CRMP1: variants seen among roughly 807,000 people sequenced by gnomAD.
CRMP1 encodes dihydropyrimidinase-related protein 1.
A neutral mutation model predicts 68.3 loss-of-function variants in CRMP1; 19 were observed. That is an observed-to-expected ratio of 0.28 (90% CI 0.19 to 0.41). The LOEUF (loss-of-function observed/expected upper bound fraction) is 0.41, where lower values mean the gene tolerates loss of function less well. Among genes scored for constraint, CRMP1 ranks in the 10% least tolerant of loss-of-function variants. The probability of loss-of-function intolerance (pLI) is 1.00; values close to 1 mark genes in which losing one functional copy is unlikely to be tolerated. For missense variants in CRMP1, 791 were observed against 967.4 expected, an observed-to-expected ratio of 0.82 and a Z score of 2.42; for synonymous variants, 439 against 399.6, an observed-to-expected ratio of 1.10 and a Z score of -1.18.
At chr4:5,856,998 T>TTATCACCCCA in intron 3 of CRMP1, among the ~76,000 whole-genome samples, 1 of 138,748 alleles carries the variant, frequency 7.2e-6, no homozygotes, top group African/African-American at 2.8e-5. Flanking sequence ...ATCACCACCA[T>TTATCACCCCA]CCACTATCAT....
chr4:5,868,261 C>CTATATATATATATATATATATA (rs60816757), intron 1 of CRMP1, among the ~76,000 whole-genome samples: 3 of 111,462 alleles, frequency 2.7e-5, no homozygotes, highest in South Asian at 3.1e-4. Context: ...GACTATATAT[C>CTATATATATATATATATATATA]TATATATATA....
chr4:5,892,763 C>G lies in CRMP1; in HGVS notation c.207G>C (p.Arg69=). 1 of 1,234,692 alleles carries G rather than the reference C, an allele frequency of 8.1e-7. No individual in the cohort carries two copies. Among genetic ancestry groups the G allele is most frequent in the South Asian group, 3.4e-5 (1 of 29,434 alleles). The allele number at this position is 1,234,692 out of a possible 1,614,324, so 76.5% of individuals were successfully genotyped here. A position where few individuals can be genotyped will look rare whatever the true frequency, so the allele number is the denominator to read the frequency against. The change falls in exon 1 of 14, where the codon CGG becomes CGC. Residue 69 remains arginine (R), a synonymous_variant. Coordinates refer to ENST00000324989, the MANE Select transcript of CRMP1 (RefSeq NM_001014809.3). The surrounding 1 kb of genome is among the most constrained non-coding windows in gnomAD (Gnocchi z 8.6). ...GSARTPRSAG[R]PDAVGLPGPG... is the part of the protein sequence containing the mutation. ...GCCCTGGCAGCCCGACCGCGTCGGG[C>G]CGGCCAGCGCTGCGCGGCGTGCGCG...
rs1409319192 is a variant in CRMP1 at position 5,838,566 on chromosome 4, C to T, written c.1310+956G>A. ...TTGTCAGACTCTAGGGCCTCTGGTC[C>T]GTGTTCCTGACATTTTCTTAGATGG... On this transcript the variant is annotated intron_variant, in intron 9 of 13. Coordinates refer to ENST00000324989, the MANE Select transcript of CRMP1 (RefSeq NM_001014809.3). This position sits in a 1 kb window ranked among gnomAD's most constrained non-coding sequence, Gnocchi z 4.9. 1.3e-5 allele frequency among the ~76,000 whole-genome samples: 2 copies of T among 152,130 alleles called. No individual in the cohort carries two copies. Among genetic ancestry groups the T allele is most frequent in the Non-Finnish European group, 2.9e-5 (2 of 68,012 alleles).
Position 5,828,540 on chromosome 4 carries a change from C to T in CRMP1, c.1752G>A (p.Pro584=), listed in dbSNP as rs370052265. Residue 584 remains proline, a synonymous_variant, in exon 12 of 14, where the codon CCG becomes CCA. Coordinates refer to ENST00000324989, the MANE Select transcript of CRMP1 (RefSeq NM_001014809.3). The part of the protein sequence containing the change: ...NVNKGMGRFI[P]RKAFPEHLYQ... Reference sequence around the variant, plus strand: ...ACAGGTGCTCCGGGAACGCCTTCCGCGGAATGAAGCGGCCCATGCCCTTGT... The same window carrying T: ...ACAGGTGCTCCGGGAACGCCTTCCGTGGAATGAAGCGGCCCATGCCCTTGT... The T allele has an allele frequency of 1.1e-5, 17 of 1,614,220 alleles. No individual in the cohort carries two copies. Among genetic ancestry groups the T allele is most frequent in the East Asian group, 6.7e-5 (3 of 44,884 alleles).
In CRMP1 at chr4:5,841,528, G is replaced by A; in HGVS notation, c.1033-100C>T. 1 of 1,553,738 alleles carries A rather than the reference G, an allele frequency of 6.4e-7. No homozygotes were observed. The highest frequency in any genetic ancestry group is 8.8e-7 in the Non-Finnish European group (1 of 1,141,438). On this transcript the variant is annotated intron_variant, in intron 7 of 13. Transcript: ENST00000324989. The surrounding 1 kb of genome is among the most constrained non-coding windows in gnomAD (Gnocchi z 6.9). ...TTGAATGTGATCAGAAGGGAAATCTGCTCCATTGAATGAGAAGGACATACT... is the reference window on the plus strand; with the variant it reads ...TTGAATGTGATCAGAAGGGAAATCTACTCCATTGAATGAGAAGGACATACT...
chr4:5,830,031 CCTG>C (rs2152455887), intron 11 of CRMP1, among the ~76,000 whole-genome samples: 1 of 152,312 alleles, frequency 6.6e-6, no homozygotes, highest in Admixed American at 6.5e-5. Context: ...ATATTAAACT[CCTG>C]ATCTCAGTTG....
Position 5,892,904 on chromosome 4 carries a change from GC to G in CRMP1, c.65del (p.Gly22AlafsTer67). 7.4e-7 allele frequency: 1 copy of G among 1,360,474 alleles called. No homozygotes were observed. The allele number at this position is 1,360,474 out of a possible 1,614,324, so 84.3% of individuals were successfully genotyped here. On this transcript the variant is annotated frameshift_variant, in exon 1 of 14. Transcript: ENST00000324989. LOFTEE classifies it high-confidence loss of function. The surrounding 1 kb of genome is among the most constrained non-coding windows in gnomAD (Gnocchi z 8.6). ...DDLPVYLARP[G>X]SAAQTPRQKY... ...TCTGGCGCGGGGTCTGCGCCGCGCTGCCCGGCCGCGCCAGGTACACGGGCAG... is the reference window on the plus strand; with the variant it reads ...TCTGGCGCGGGGTCTGCGCCGCGCTGCCGGCCGCGCCAGGTACACGGGCAG...
Position 5,834,531 on chromosome 4 carries a change from A to G in CRMP1, c.1623+1384T>C, listed in dbSNP as rs906396555. Among the ~76,000 whole-genome samples the G allele has an allele frequency of 6.6e-6, 1 of 152,222 alleles. No homozygotes were observed. Among genetic ancestry groups the G allele is most frequent in the Non-Finnish European group, 1.5e-5 (1 of 68,036 alleles). On this transcript the variant is annotated intron_variant, in intron 11 of 13. Transcript: ENST00000324989. This position sits in a 1 kb window ranked among gnomAD's most constrained non-coding sequence, Gnocchi z 4.3. ...TTTAATACTGAAATTCCCAGCCTCCAGAACCGTGAGCCACATAAATTTATT... is the reference window on the plus strand; with the variant it reads ...TTTAATACTGAAATTCCCAGCCTCCGGAACCGTGAGCCACATAAATTTATT...
chr4:5,869,681 CAAAAAA>C (rs33973891), intron 1 of CRMP1, among the ~76,000 whole-genome samples: 3 of 92,928 alleles, frequency 3.2e-5, no homozygotes, highest in African/African-American at 4.3e-5. Context: ...AAGACTCCGT[CAAAAAA>C]AAAAAAAAAA....
At chr4:5,887,589 C>T in intron 1 of CRMP1, 1 of 985,004 alleles carries the variant, frequency 1.0e-6, no homozygotes. Context: ...ACCGTCCCCA[C>T]CCTCTCGCGG....
chr4:5,868,253 C>CTATATATCTATA (rs1344128777), intron 1 of CRMP1, among the ~76,000 whole-genome samples: 4 of 83,134 alleles, frequency 4.8e-5, no homozygotes, highest in Admixed American at 1.7e-4. Flanking sequence ...TTCTTCATGA[C>CTATATATCTATA]TATATATCTA....
rs1388016692 is a variant in CRMP1, at chr4:5,889,394, G to A, written c.381+3195C>T. ...GCCCTGGGGACAAGCTGGGGGTCAG[G>A]AGGAGGACTAGGGTGCTCCTGCCTC... On this transcript the variant is annotated intron_variant, in intron 1 of 13. Coordinates refer to ENST00000324989, the MANE Select transcript of CRMP1 (RefSeq NM_001014809.3). This position sits in a 1 kb window ranked among gnomAD's most constrained non-coding sequence, Gnocchi z 4.5. Among the ~76,000 whole-genome samples the A allele has an allele frequency of 2.6e-5, 4 of 152,288 alleles. No individual in the cohort carries two copies. The East Asian group carries it at 7.7e-4, about 29-fold the overall frequency.
Position 5,866,846 on chromosome 4 carries a change from TA to T in CRMP1, c.382-91del, listed in dbSNP as rs1714035579. On this transcript the variant is annotated intron_variant, in intron 1 of 13. Transcript: ENST00000324989. The surrounding 1 kb of genome is among the most constrained non-coding windows in gnomAD (Gnocchi z 5.9). ...AATTTTTAATATAAGAATTATCAAA[TA>T]TTTTCAAAAGTAAAGGCATTTAACT... 1 of 931,126 alleles carries T rather than the reference TA, an allele frequency of 1.1e-6. No homozygotes were observed. The highest frequency in any genetic ancestry group is 1.6e-6 in the Non-Finnish European group (1 of 636,692). 57.7% of individuals were successfully genotyped at this position (931,126 alleles called of 1,614,324 possible).
Position 5,888,684 on chromosome 4 carries a change from C to T in CRMP1, c.381+3905G>A. 1.1e-6 allele frequency: 1 copy of T among 920,848 alleles called. No individual in the cohort carries two copies. Among genetic ancestry groups the T allele is most frequent in the Non-Finnish European group, 1.3e-6 (1 of 774,590 alleles). The allele number at this position is 920,848 out of a possible 1,614,324, so 57.0% of individuals were successfully genotyped here. ...CCCCGCCCTGCGCACACGCCCTTGG[C>T]GGGCCCTGGCCTCGCTCTCGCGATC... On this transcript the variant is annotated intron_variant, in intron 1 of 13. Coordinates refer to ENST00000324989, the MANE Select transcript of CRMP1 (RefSeq NM_001014809.3). This position sits in a 1 kb window ranked among gnomAD's most constrained non-coding sequence, Gnocchi z 6.4.
Position 5,870,150 on chromosome 4 carries a change from C to T in CRMP1, c.382-3394G>A, listed in dbSNP as rs1430965011. Among the ~76,000 whole-genome samples the T allele has an allele frequency of 6.6e-6, 1 of 152,232 alleles. No individual in the cohort carries two copies. Among genetic ancestry groups the T allele is most frequent in the Non-Finnish European group, 1.5e-5 (1 of 68,042 alleles). ...CCAGTTAATCTGGAGTCCCAGGTTCCTGGCAGTCTTCCTGCTCCTACTTGC... is the reference window on the plus strand; with the variant it reads ...CCAGTTAATCTGGAGTCCCAGGTTCTTGGCAGTCTTCCTGCTCCTACTTGC... On this transcript the variant is annotated intron_variant, in intron 1 of 13. Coordinates refer to ENST00000324989, the MANE Select transcript of CRMP1 (RefSeq NM_001014809.3). This position sits in a 1 kb window ranked among gnomAD's most constrained non-coding sequence, Gnocchi z 6.0.
chr4:5,856,001 T>C (rs1285037425), intron 4 of CRMP1, 142 bp downstream of exon 4: 1 of 930,906 alleles, frequency 1.1e-6, no homozygotes, highest in Non-Finnish European at 1.6e-6. Flanking sequence ...CTGGCCTGTT[T>C]CCTCACTGTC....
intron 1 of CRMP1, among the ~76,000 whole-genome samples, chr4:5,875,710 G>C (rs1714762419): frequency 1.4e-5 from 2 of 144,724 alleles, no homozygotes. Flanking sequence ...TGAGGAACAG[G>C]TGGGGGTTGG....
chr4:5,867,058 C>A (rs143466541), intron 1 of CRMP1, among the ~76,000 whole-genome samples: 1 of 152,162 alleles, frequency 6.6e-6, no homozygotes, highest in Non-Finnish European at 1.5e-5. Context: ...ACCCATTTCC[C>A]GTTTGCCCCG....
At position 5,851,459 on chromosome 4, in the gene CRMP1, G is replaced by A. The variant is rs912989557; in HGVS notation, c.831C>T (p.Ser277=). ...EVLVQDKGVN[S]FQVYMAYKDV... is the part of the protein sequence containing the mutation. ...CCTTATAGGCCATGTAGACTTGGAA[G>A]GAATTGACGCCTGTTTCAAGATAGA... The change falls in exon 5 of 14, where the codon TCC becomes TCT. Residue 277 remains serine (S), a synonymous_variant. Coordinates refer to ENST00000324989, the MANE Select transcript of CRMP1 (RefSeq NM_001014809.3). 20 of 1,613,996 alleles carry A rather than the reference G, an allele frequency of 1.2e-5. No homozygotes were observed. Among genetic ancestry groups the A allele is most frequent in the Non-Finnish European group, 1.4e-5 (17 of 1,179,956 alleles).
Sources: allele counts gnomAD v4.1 joint callset (sites outside exome capture counted in the v4.1 genomes callset), GRCh38; gene constraint gnomAD v4.1.1; non-coding constraint Gnocchi (gnomAD v3.1); transcripts MANE v1.5; gene names NCBI Gene and HGNC (gene_info 2026-07-23, HGNC 2026-07-21).